The following NEDD4L variants were observed in gnomAD, a reference collection of about 807,000 sequenced individuals.
NEDD4L encodes NEDD4 like E3 ubiquitin protein ligase, also known as E3 ubiquitin-protein ligase NEDD4-like.
Under a neutral mutation model 148.9 loss-of-function variants are expected in NEDD4L, and 54 were observed. The ratio of observed to expected loss-of-function variants is 0.36; its 90% CI spans 0.29 to 0.45. NEDD4L has a LOEUF of 0.45. Among genes scored for constraint, NEDD4L ranks in the 20% least tolerant of loss-of-function variants. The pLI is 1.00. For missense variants in NEDD4L, 856 were observed against 1,233.8 expected, an observed-to-expected ratio of 0.69 and a Z score of 4.59; for synonymous variants, 433 against 440.7, an observed-to-expected ratio of 0.98 and a Z score of 0.22.
chr18:58,264,377 G>A (rs2049916982), intron 5 of NEDD4L, among the ~76,000 whole-genome samples: 1 of 152,008 alleles, frequency 6.6e-6, no homozygotes. Context: ...ATGTATGCAG[G>A]GGTCATTTTT....
chr18:58,195,248 A>AGTTGGCT, intron 2 of NEDD4L: 1 of 398,938 alleles, frequency 2.5e-6, no homozygotes, highest in East Asian at 7.4e-5. Context: ...TCTCATGGCA[A>AGTTGGCT]GTTGGCTGTT....
chr18:58,122,677 T>G (rs991336639), intron 1 of NEDD4L, among the ~76,000 whole-genome samples: 5 of 152,198 alleles, frequency 3.3e-5, no homozygotes, highest in Admixed American at 2.6e-4. Context: ...TATTGTTTGC[T>G]TTCAAAGCAG....
chr18:58,186,187 T>C (rs923049247), intron 2 of NEDD4L, among the ~76,000 whole-genome samples: 1 of 152,240 alleles, frequency 6.6e-6, no homozygotes, highest in Non-Finnish European at 1.5e-5. Context: ...AAGCGTCCAT[T>C]AAACAACAGT....
intron 5 of NEDD4L, among the ~76,000 whole-genome samples, chr18:58,285,507 T>A (rs1386280411): frequency 1.3e-5 from 2 of 152,194 alleles, no homozygotes; most frequent in Non-Finnish European, 2.9e-5. Flanking sequence ...ATTCCTCTCC[T>A]ACCCCTAGCC....
At chr18:58,230,950 G>A (rs2045101938) in intron 2 of NEDD4L, among the ~76,000 whole-genome samples, 2 of 152,232 alleles carry the variant, frequency 1.3e-5, no homozygotes, top group South Asian at 4.1e-4. Context: ...TTACATACTT[G>A]AAAAGGGACA....
intron 1 of NEDD4L, among the ~76,000 whole-genome samples, chr18:58,147,137 T>C (rs2034178861): frequency 6.6e-6 from 1 of 152,202 alleles, no homozygotes; most frequent in Non-Finnish European, 1.5e-5. Flanking sequence ...TGTGTGTGCA[T>C]TGGTAAATTT....
rs1203617958 is a variant in NEDD4L, at chr18:58,087,998, G to T, written c.48+43290G>T. Among the ~76,000 whole-genome samples, 6 of 152,352 alleles carry T rather than the reference G, an allele frequency of 3.9e-5. No homozygotes were observed. The East Asian group carries it at 1.2e-3, about 29-fold the overall frequency. Reference sequence around the variant, plus strand: ...GGTTTCCTGAGGCTGCAGTCATTATGCCCGCTAGGGCTTGGGTGGGACTGA... The same window carrying T: ...GGTTTCCTGAGGCTGCAGTCATTATTCCCGCTAGGGCTTGGGTGGGACTGA... On this transcript the variant is annotated intron_variant, in intron 1 of 30. Coordinates refer to ENST00000400345, the MANE Select transcript of NEDD4L (RefSeq NM_001144967.3).
At chr18:58,090,173 T>TG (rs1177252507) in intron 1 of NEDD4L, among the ~76,000 whole-genome samples, 1 of 152,160 alleles carries the variant, frequency 6.6e-6, no homozygotes, top group Non-Finnish European at 1.5e-5. Flanking sequence ...GCTTTATCTG[T>TG]GGTTCTTAGT....
chr18:58,120,015 G>A (rs2086123038), intron 1 of NEDD4L, among the ~76,000 whole-genome samples: 2 of 152,140 alleles, frequency 1.3e-5, no homozygotes, highest in South Asian at 2.1e-4. Context: ...TTCCTTAATC[G>A]TCTTTGAAGA....
At chr18:58,101,666 G>A (rs1480855769) in intron 1 of NEDD4L, among the ~76,000 whole-genome samples, 1 of 152,108 alleles carries the variant, frequency 6.6e-6, no homozygotes, top group Non-Finnish European at 1.5e-5. Flanking sequence ...TCATGAAATA[G>A]AAAACTGTAT....
chr18:58,331,798 T>C (rs1232406913), intron 11 of NEDD4L, among the ~76,000 whole-genome samples: 1 of 152,218 alleles, frequency 6.6e-6, no homozygotes, highest in Non-Finnish European at 1.5e-5. Context: ...ATGATAGCAC[T>C]GCATACAATG....
intron 2 of NEDD4L, among the ~76,000 whole-genome samples, chr18:58,237,923 C>T (rs907369637): frequency 1.3e-5 from 2 of 152,170 alleles, no homozygotes; most frequent in Admixed American, 6.5e-5. Flanking sequence ...TTTCAAGACT[C>T]GAGTGGCTGG....
chr18:58,395,223 A>G (rs1033514122), intron 30 of NEDD4L, among the ~76,000 whole-genome samples: 2 of 152,174 alleles, frequency 1.3e-5, no homozygotes, highest in Admixed American at 1.3e-4. Flanking sequence ...CACATCAGCA[A>G]TCACCCCCCA....
intron 5 of NEDD4L, among the ~76,000 whole-genome samples, chr18:58,270,487 C>T (rs2050881306): frequency 6.6e-6 from 1 of 152,304 alleles, no homozygotes; most frequent in Non-Finnish European, 1.5e-5. Context: ...TGTTGTATTG[C>T]TGTCTTTCAT....
chr18:58,143,315 T>A (rs993378773), intron 1 of NEDD4L, among the ~76,000 whole-genome samples: 1 of 152,202 alleles, frequency 6.6e-6, no homozygotes, highest in Admixed American at 6.5e-5. Flanking sequence ...GACATTGGAA[T>A]CCACCTCATT....
Position 58,273,600 on chromosome 18 carries a change from T to C in NEDD4L, c.297+21546T>C, listed in dbSNP as rs556388122. ...TTTGGTCCAGGAGTTTAAGGCCTTT[T>C]CATTTGGCTTTTGTTGTTCATTTGT... On this transcript the variant is annotated intron_variant, in intron 5 of 30. Transcript: ENST00000400345. 4.0e-4 allele frequency among the ~76,000 whole-genome samples: 61 copies of C among 152,368 alleles called. 2 individuals are homozygous for C. The South Asian group carries it at 0.012, about 31-fold the overall frequency.
Position 58,272,974 on chromosome 18 carries a change from T to C in NEDD4L, c.297+20920T>C, listed in dbSNP as rs569078914. ...ACAGGAAATCATGGGGAGGCCTACT[T>C]GAAGAGAGGTAAGGAAACCCCCAAC... On this transcript the variant is annotated intron_variant, in intron 5 of 30. Coordinates refer to ENST00000400345, the MANE Select transcript of NEDD4L (RefSeq NM_001144967.3). Among the ~76,000 whole-genome samples, 3 of 152,230 alleles carry C rather than the reference T, an allele frequency of 2.0e-5. No homozygotes were observed. In the South Asian group the frequency reaches 6.2e-4, roughly 32 times the overall value.
intron 1 of NEDD4L, among the ~76,000 whole-genome samples, chr18:58,132,202 G>A (rs551398485): frequency 6.6e-6 from 1 of 152,084 alleles, no homozygotes; most frequent in South Asian, 2.1e-4. Context: ...ACCCTGACTG[G>A]TATTATCACT....
chr18:58,320,705 C>T (rs955546291), intron 6 of NEDD4L, among the ~76,000 whole-genome samples: 4 of 152,074 alleles, frequency 2.6e-5, no homozygotes, highest in African/African-American at 9.7e-5. Flanking sequence ...GTCCCAGCTA[C>T]TTGGGAGGCT....
Sources: gnomAD v4.1 joint callset for allele counts (sites outside exome capture counted in the v4.1 genomes callset) on GRCh38, gnomAD v4.1.1 for gene constraint, MANE v1.5 for transcripts, NCBI Gene and HGNC (gene_info 2026-07-23, HGNC 2026-07-21) for gene names.